SCD5: variants seen among roughly 807,000 people sequenced by gnomAD.
SCD5 encodes acyl-CoA-desaturase 4.
Under a neutral mutation model 30.4 loss-of-function variants are expected in SCD5, and 20 were observed. The ratio of observed to expected loss-of-function variants is 0.66; its 90% CI spans 0.46 to 0.96. SCD5 has a LOEUF of 0.96. Ranked by LOEUF, SCD5 falls within the 40% of genes least tolerant of loss-of-function variation. The pLI is 0.00. For synonymous variants in SCD5, 173 were observed against 176.4 expected, an observed-to-expected ratio of 0.98 and a Z score of 0.16; for missense variants, 381 against 443.3, an observed-to-expected ratio of 0.86 and a Z score of 1.26.
At chr4:82,674,676 T>C (rs1728398237) in intron 3 of SCD5, among the ~76,000 whole-genome samples, 2 of 152,206 alleles carry the variant, frequency 1.3e-5, no homozygotes, top group South Asian at 2.1e-4. Context: ...CGCACATGAA[T>C]GTTTACTCTA....
chr4:82,752,280 T>TATAC (rs1721121281), intron 1 of SCD5, among the ~76,000 whole-genome samples: 1 of 149,716 alleles, frequency 6.7e-6, no homozygotes, highest in South Asian at 2.1e-4. Flanking sequence ...AAATTATATA[T>TATAC]ATATATATAT....
intron 1 of SCD5, among the ~76,000 whole-genome samples, chr4:82,726,274 G>A (rs537276940): frequency 1.3e-4 from 20 of 152,146 alleles, no homozygotes; most frequent in South Asian, 8.3e-4. Context: ...AAAATTAGCC[G>A]GGCGTGGTGG....
At chr4:82,786,477 T>C (rs1721989947) in intron 1 of SCD5, among the ~76,000 whole-genome samples, 1 of 152,136 alleles carries the variant, frequency 6.6e-6, no homozygotes, top group African/African-American at 2.4e-5. Flanking sequence ...TTCAAGCTCA[T>C]TGATATTTGA....
At chr4:82,664,292 AC>A (rs1728116333) in intron 3 of SCD5, among the ~76,000 whole-genome samples, 1 of 152,146 alleles carries the variant, frequency 6.6e-6, no homozygotes, top group East Asian at 1.9e-4. Context: ...AATTGACCCA[AC>A]CCCAACCTCT....
intron 1 of SCD5, among the ~76,000 whole-genome samples, chr4:82,737,731 G>C (rs1425985326): frequency 6.6e-6 from 1 of 152,122 alleles, no homozygotes; most frequent in Non-Finnish European, 1.5e-5. Context: ...TTTATATTGT[G>C]CCTTTCTATT....
intron 3 of SCD5, among the ~76,000 whole-genome samples, chr4:82,644,713 C>T (rs947323040): frequency 1.3e-5 from 2 of 152,126 alleles, no homozygotes; most frequent in Non-Finnish European, 2.9e-5. Context: ...GACTGGTGCC[C>T]ATGTAGGATT....
intron 1 of SCD5, among the ~76,000 whole-genome samples, chr4:82,711,405 C>T (rs977054312): frequency 4.6e-5 from 7 of 152,152 alleles, no homozygotes; most frequent in East Asian, 3.9e-4. Flanking sequence ...CCACAATGCA[C>T]GGAAGCTGCC....
Position 82,770,678 on chromosome 4 carries a change from G to T in SCD5, c.232+27628C>A, listed in dbSNP as rs571266630. Among the ~76,000 whole-genome samples, 4 of 152,242 alleles carry T rather than the reference G, an allele frequency of 2.6e-5. No individual in the cohort carries two copies. The South Asian group carries it at 8.3e-4, about 31-fold the overall frequency. On this transcript the variant is annotated intron_variant, in intron 1 of 4. Transcript: ENST00000319540. ...CCAAGGCTGCCAGGGCTCTGCACATGTCCCCTTGGCTCTTACCGTTCCTAT... is the reference window on the plus strand; with the variant it reads ...CCAAGGCTGCCAGGGCTCTGCACATTTCCCCTTGGCTCTTACCGTTCCTAT...
chr4:82,795,126 C>T (rs904386053), intron 1 of SCD5, among the ~76,000 whole-genome samples: 4 of 152,186 alleles, frequency 2.6e-5, no homozygotes, highest in African/African-American at 4.8e-5. Context: ...GGCTCTTTCA[C>T]GGATGACATT....
chr4:82,658,630 CTTTTTTTTTTTTT>C (rs57727794), intron 3 of SCD5, among the ~76,000 whole-genome samples: 1 of 116,912 alleles, frequency 8.6e-6, no homozygotes, highest in Non-Finnish European at 1.7e-5. Flanking sequence ...CCACACCTGG[CTTTTTTTTTTTTT>C]TTTTTTTTTT....
chr4:82,759,230 G>A (rs996592380), intron 1 of SCD5, among the ~76,000 whole-genome samples: 9 of 152,344 alleles, frequency 5.9e-5, no homozygotes, highest in African/African-American at 1.9e-4. Flanking sequence ...GTTCCCGGCA[G>A]CCACAGTGGC....
At chr4:82,718,345 A>C (rs532930411) in intron 1 of SCD5, among the ~76,000 whole-genome samples, 1 of 151,868 alleles carries the variant, frequency 6.6e-6, no homozygotes, top group East Asian at 1.9e-4. Context: ...AGTCCAGGAA[A>C]GCCTCTTGGG....
intron 1 of SCD5, among the ~76,000 whole-genome samples, chr4:82,792,834 T>C (rs1481775158): frequency 6.6e-6 from 1 of 152,214 alleles, no homozygotes; most frequent in East Asian, 1.9e-4. Context: ...GAGTCTGAAG[T>C]TGAACTAATT....
rs1006430162 is a variant in SCD5, at chr4:82,631,129, A to C, written c.*198T>G. ...CTGTCTCAAAAACAAAACAAACAAA[A>C]AAAAAAACGAAAGTTTTTTCATTGA... On this transcript the variant is annotated 3_prime_UTR_variant, in exon 5 of 5. Transcript: ENST00000319540. 5.5e-5 allele frequency: 28 copies of C among 505,802 alleles called. No individual in the cohort carries two copies. Among genetic ancestry groups the C allele is most frequent in the East Asian group, 1.4e-4 (4 of 28,978 alleles). The allele number at this position is 505,802 out of a possible 1,614,324, so 31.3% of individuals were successfully genotyped here.
intron 1 of SCD5, among the ~76,000 whole-genome samples, chr4:82,711,466 C>A (rs911216836): frequency 6.6e-6 from 1 of 152,158 alleles, no homozygotes; most frequent in African/African-American, 2.4e-5. Flanking sequence ...ATAATCCCAG[C>A]ACTTTGGAAG....
chr4:82,653,106 C>A (rs931680730), intron 3 of SCD5, among the ~76,000 whole-genome samples: 1 of 152,126 alleles, frequency 6.6e-6, no homozygotes, highest in Non-Finnish European at 1.5e-5. Context: ...GTGATCCCTG[C>A]TCATGCCACT....
chr4:82,635,601 C>T, intron 4 of SCD5, among the ~76,000 whole-genome samples: 1 of 121,256 alleles, frequency 8.2e-6, no homozygotes, highest in East Asian at 2.5e-4. Flanking sequence ...AGCCTGGCAA[C>T]AGAGCGAGAC....
At chr4:82,764,872 A>G (rs573282786) in intron 1 of SCD5, among the ~76,000 whole-genome samples, 1 of 152,018 alleles carries the variant, frequency 6.6e-6, no homozygotes, top group South Asian at 2.1e-4. Context: ...AATTACAGGC[A>G]TGTGCCACCA....
chr4:82,748,248 G>T (rs1470783872), intron 1 of SCD5, among the ~76,000 whole-genome samples: 1 of 152,024 alleles, frequency 6.6e-6, no homozygotes, highest in Admixed American at 6.6e-5. Flanking sequence ...CCATTGTCCA[G>T]AAACAAGAGG....
Sources: gnomAD v4.1 joint callset for allele counts (sites outside exome capture counted in the v4.1 genomes callset) on GRCh38, gnomAD v4.1.1 for gene constraint, MANE v1.5 for transcripts, NCBI Gene and HGNC (gene_info 2026-07-23, HGNC 2026-07-21) for gene names.